The following ZNF600 variants were observed in gnomAD, a reference collection of about 807,000 sequenced individuals.
ZNF600 encodes zinc finger protein 600.
Under a neutral mutation model 7.3 loss-of-function variants are expected in ZNF600, and 4 were observed. The observed-to-expected ratio is 0.55, with a 90% CI of 0.27 to 1.25. The LOEUF (loss-of-function observed/expected upper bound fraction) is 1.25. ZNF600 is among the 50% of genes most tolerant of loss of function. The pLI, the probability that ZNF600 is intolerant of heterozygous loss-of-function variation, is 0.12. For synonymous variants in ZNF600, 290 were observed against 308.9 expected, an observed-to-expected ratio of 0.94 and a Z score of 0.64; for missense variants, 911 against 922.1, an observed-to-expected ratio of 0.99 and a Z score of 0.16.
the ZNF600 span, among the ~76,000 whole-genome samples, chr19:52,794,514 G>A: frequency 6.6e-6 from 1 of 152,118 alleles, no homozygotes; most frequent in Non-Finnish European, 1.5e-5. Flanking sequence ...ATTCCCACGT[G>A]ATGGTCTGGA....
intron 3 of ZNF600, among the ~76,000 whole-genome samples, chr19:52,772,854 GGGGATACAAGGACTGAGCT>G (rs141834898): frequency 0.075 from 11,320 of 150,144 alleles, 782 homozygotes; most frequent in African/African-American, 0.26. Flanking sequence ...GTACATCAAG[GGGGATACAAGGACTGAGCT>G]GGGACACAAG....
At chr19:52,796,602 A>G in the ZNF600 span, among the ~76,000 whole-genome samples, 1 of 152,128 alleles carries the variant, frequency 6.6e-6, no homozygotes, top group Non-Finnish European at 1.5e-5. Context: ...CAGAAGCTGA[A>G]CCAGCAGACA....
chr19:52,826,006 T>A, the ZNF600 span, among the ~76,000 whole-genome samples: 4 of 152,118 alleles, frequency 2.6e-5, no homozygotes, highest in African/African-American at 9.7e-5. Flanking sequence ...TAAAATCTCA[T>A]AATGGTGTCT....
the ZNF600 span, chr19:52,799,508 T>A: frequency 8.5e-7 from 1 of 1,174,682 alleles, no homozygotes; most frequent in Non-Finnish European, 1.2e-6. Context: ...CCTTGCCACA[T>A]TCATTACACT....
At chr19:52,825,661 CACAAAACAT>C in the ZNF600 span, among the ~76,000 whole-genome samples, 1 of 151,958 alleles carries the variant, frequency 6.6e-6, no homozygotes, top group Non-Finnish European at 1.5e-5. Flanking sequence ...ACACCGGTCT[CACAAAACAT>C]ACAAAACAAA....
intron 2 of ZNF600, among the ~76,000 whole-genome samples, chr19:52,775,077 T>TA (rs1361780474): frequency 6.6e-6 from 1 of 151,936 alleles, no homozygotes; most frequent in East Asian, 1.9e-4. Context: ...CTGTCTCTAC[T>TA]AAAAATATAA....
chr19:52,800,906 G>A, the ZNF600 span: 1 of 1,613,598 alleles, frequency 6.2e-7, no homozygotes, highest in Non-Finnish European at 8.5e-7. Flanking sequence ...GTGTTTCAAG[G>A]TGTGATTTGC....
chr19:52,817,419 A>C, the ZNF600 span, among the ~76,000 whole-genome samples: 1 of 152,190 alleles, frequency 6.6e-6, no homozygotes, highest in Non-Finnish European at 1.5e-5. Flanking sequence ...TTATTCATCT[A>C]TGTATGAACA....
At chr19:52,801,544 A>G in the ZNF600 span, 1 of 1,614,070 alleles carries the variant, frequency 6.2e-7, no homozygotes, top group Admixed American at 1.7e-5. Context: ...TCTTCTTTCC[A>G]CTGAAACTGG....
At chr19:52,809,884 C>T in the ZNF600 span, 54 of 757,588 alleles carry the variant, frequency 7.1e-5, 1 homozygote, top group East Asian at 1.4e-3. Context: ...GGTCCGGGAT[C>T]CAGGCCGGGG....
chr19:52,801,709 A>C, the ZNF600 span: 7 of 1,608,650 alleles, frequency 4.4e-6, no homozygotes, highest in Admixed American at 8.5e-5. Flanking sequence ...ATATCTACAA[A>C]ATATAAACAC....
the ZNF600 span, chr19:52,797,509 G>A: frequency 6.6e-6 from 1 of 152,196 alleles, no homozygotes; most frequent in Non-Finnish European, 1.5e-5. Context: ...AACATATTCA[G>A]TGTATTTGCA....
At chr19:52,766,488 A>G (rs1216303004) in exon 4 of ZNF600, 1 of 1,614,004 alleles carries the variant, frequency 6.2e-7, no homozygotes, top group Non-Finnish European at 8.5e-7. Flanking sequence ...ATTTTGACCA[A>G]AGGTCTTCCC....
chr19:52,803,029 G>T, the ZNF600 span, among the ~76,000 whole-genome samples: 1 of 151,732 alleles, frequency 6.6e-6, no homozygotes, highest in East Asian at 1.9e-4. Flanking sequence ...CCAAAGTGCT[G>T]GGATTATAGG....
At chr19:52,787,690 C>T (rs2062776903), upstream of ZNF600, among the ~76,000 whole-genome samples, 1 of 150,906 alleles carries the variant, frequency 6.6e-6, no homozygotes, top group Non-Finnish European at 1.5e-5. Context: ...AACCCCATCT[C>T]TACTAAAAAA....
the ZNF600 span, among the ~76,000 whole-genome samples, chr19:52,831,035 A>G: frequency 3.9e-5 from 6 of 152,188 alleles, no homozygotes; most frequent in African/African-American, 9.6e-5. Context: ...CAGTATGGTG[A>G]CCTGAGGTGA....
intron 3 of ZNF600, among the ~76,000 whole-genome samples, chr19:52,768,702 T>C (rs904028947): frequency 1.3e-5 from 2 of 151,994 alleles, no homozygotes; most frequent in Admixed American, 1.3e-4. Context: ...TGCACAACTA[T>C]GCCTGGGTAA....
chr19:52,817,098 A>C, the ZNF600 span, among the ~76,000 whole-genome samples: 100,433 of 151,576 alleles, frequency 0.66, 34,047 homozygotes, highest in Non-Finnish European at 0.73. Flanking sequence ...ATAGGCCAGG[A>C]ACGGTGGCTC....
chr19:52,808,079 A>AT, the ZNF600 span: 1 of 1,613,536 alleles, frequency 6.2e-7, no homozygotes, highest in Non-Finnish European at 8.5e-7. Flanking sequence ...GGGTCCAGGC[A>AT]TTTCCACTCC....
Sources: allele counts gnomAD v4.1 joint callset (sites outside exome capture counted in the v4.1 genomes callset), GRCh38; gene constraint gnomAD v4.1.1; transcripts MANE v1.5; gene names NCBI Gene and HGNC (gene_info 2026-07-23, HGNC 2026-07-21).